DCAF16: variants seen among roughly 807,000 people sequenced by gnomAD.
DCAF16 encodes the protein DDB1- and CUL4-associated factor 16.
Under a neutral mutation model 17.3 loss-of-function variants are expected in DCAF16, and 10 were observed. The ratio of observed to expected loss-of-function variants is 0.58; its 90% CI spans 0.36 to 0.98. The LOEUF (loss-of-function observed/expected upper bound fraction) is 0.98, where lower values mean the gene tolerates loss of function less well. DCAF16 is among the 50% of genes least tolerant of loss of function. The pLI, the probability that DCAF16 is intolerant of heterozygous loss-of-function variation, is 0.01. For missense variants in DCAF16, 249 were observed against 247.6 expected, an observed-to-expected ratio of 1.01 and a Z score of -0.04; for synonymous variants, 111 against 92.8, an observed-to-expected ratio of 1.20 and a Z score of -1.12.
Position 17,804,369 on chromosome 4 carries a change from G to A in DCAF16, c.-228C>T. 1 of 551,932 alleles carries A rather than the reference G, an allele frequency of 1.8e-6. No homozygotes were observed. The highest frequency in any genetic ancestry group is 1.9e-5 in the African/African-American group (1 of 52,642). The allele number at this position is 551,932 out of a possible 1,614,324, so 34.2% of individuals were successfully genotyped here. ...ACAAAGAAGACATCTCAGTTTCCAG[G>A]ACCAGTTCAGTGTGTAAAAGTATTA... On this transcript the variant is annotated 5_prime_UTR_variant, in exon 3 of 3. Transcript: ENST00000382247.
Position 17,810,102 on chromosome 4 carries a change from C to G in DCAF16, c.-750+345G>C, listed in dbSNP as rs905481942. Among the ~76,000 whole-genome samples the G allele has an allele frequency of 2.6e-5, 4 of 152,122 alleles. No homozygotes were observed. The East Asian group carries it at 5.8e-4, about 22-fold the overall frequency. On this transcript the variant is annotated intron_variant, in intron 1 of 2. Coordinates refer to ENST00000382247, the MANE Select transcript of DCAF16 (RefSeq NM_017741.4). ...ATATTGTAGGGTGGCATATTTTGGT[C>G]TCCTACAGTCCTATTTTTGGATGGT...
rs1228752313 is a variant in DCAF16 at position 17,801,565 on chromosome 4, C to G, written c.*1926G>C. 1 of 152,160 alleles carries G rather than the reference C, an allele frequency of 6.6e-6. No homozygotes were observed. The highest frequency in any genetic ancestry group is 6.5e-5 in the Admixed American group (1 of 15,278). The allele number at this position is 152,160 out of a possible 1,614,324, so 9.4% of individuals were successfully genotyped here. On this transcript the variant is annotated 3_prime_UTR_variant, in exon 3 of 3. Transcript: ENST00000382247. The stretch of plus-strand genomic sequence containing the variant: ...TTCTGATTCCCTTTAGATGCCCAGT[C>G]AACCAGGACCACACACAGATTTCAT...
chr4:17,800,144 C>CAAA (rs971077538), downstream of DCAF16, among the ~76,000 whole-genome samples: 8 of 45,930 alleles, frequency 1.7e-4, no homozygotes, highest in African/African-American at 2.8e-4. Context: ...AACTCCATCT[C>CAAA]AAAAAAAAAA....
At chr4:17,808,755 G>A (rs766789359) in intron 1 of DCAF16, among the ~76,000 whole-genome samples, 5 of 152,204 alleles carry the variant, frequency 3.3e-5, no homozygotes, top group African/African-American at 4.8e-5. Flanking sequence ...CTAGCCGGGC[G>A]CGGTGGCTCA....
chr4:17,807,536 T>C (rs1034029786), intron 1 of DCAF16, among the ~76,000 whole-genome samples: 2 of 152,170 alleles, frequency 1.3e-5, no homozygotes, highest in African/African-American at 4.8e-5. Flanking sequence ...AGGCAAACTA[T>C]TTGCACATCT....
In DCAF16 at chr4:17,804,046, C is replaced by G. The variant is rs767615779; in HGVS notation, c.96G>C (p.Glu32Asp). The change falls in exon 3 of 3, where the codon GAG becomes GAC. Residue 32 changes from glutamate to aspartate, a missense_variant. Physicochemically the swap from Glu to Asp is conservative, Grantham distance 45 (BLOSUM62 2). Transcript: ENST00000382247. The part of the protein sequence containing the change: ...ISYLNESSGE[E>D]WDSSEEEDSM... ...AGTCCTCTTCTTCAGAGGAATCCCACTCTTCCCCAGAACTCTCATTTAGGT... is the reference window on the plus strand; with the variant it reads ...AGTCCTCTTCTTCAGAGGAATCCCAGTCTTCCCCAGAACTCTCATTTAGGT... The G allele has an allele frequency of 2.5e-6, 4 of 1,614,172 alleles. No individual in the cohort carries two copies. Among genetic ancestry groups the G allele is most frequent in the Non-Finnish European group, 3.4e-6 (4 of 1,180,008 alleles).
intron 1 of DCAF16, among the ~76,000 whole-genome samples, chr4:17,806,369 G>T (rs1720325564): frequency 6.6e-6 from 1 of 152,096 alleles, no homozygotes; most frequent in Non-Finnish European, 1.5e-5. Flanking sequence ...CATTCATCTA[G>T]TAAGTCACGG....
In DCAF16 at chr4:17,803,659, G is replaced by A. The variant is rs1320075436; in HGVS notation, c.483C>T (p.Pro161=). 6.2e-7 allele frequency: 1 copy of A among 1,614,096 alleles called. No individual in the cohort carries two copies. Among genetic ancestry groups the A allele is most frequent in the African/African-American group, 1.3e-5 (1 of 74,930 alleles). The change falls in exon 3 of 3, where the codon CCC becomes CCT. Residue 161 remains proline, a synonymous_variant. Coordinates refer to ENST00000382247, the MANE Select transcript of DCAF16 (RefSeq NM_017741.4). ...QLSRTLSRAT[P]IPEYLKQIPN... ...GGATCTGTTTTAGGTATTCAGGTAT[G>A]GGAGTGGCTCTACTCAATGTTCGGC...
chr4:17,803,747 C>T lies in DCAF16; in HGVS notation c.395G>A (p.Ser132Asn). Residue 132 changes from serine to asparagine, a missense_variant, in exon 3 of 3, where the codon AGC becomes AAC. Coordinates refer to ENST00000382247, the MANE Select transcript of DCAF16 (RefSeq NM_017741.4). Reference sequence around the variant, plus strand: ...AGTGGCATGATCTCTAGAGAGCCGGCTGGGACTTGTAAGAGGCTTTTGAAA... The same window carrying T: ...AGTGGCATGATCTCTAGAGAGCCGGTTGGGACTTGTAAGAGGCTTTTGAAA... ...PPFQKPLTSPSRLSRDHATLN... is the reference protein window; with the variant it reads ...PPFQKPLTSPNRLSRDHATLN... 1 of 1,614,130 alleles carries T rather than the reference C, an allele frequency of 6.2e-7. No individual in the cohort carries two copies. The highest frequency in any genetic ancestry group is 8.5e-7 in the Non-Finnish European group (1 of 1,180,026).
chr4:17,809,321 A>G (rs1230383774), intron 1 of DCAF16: 1 of 152,240 alleles, frequency 6.6e-6, no homozygotes, highest in Non-Finnish European at 1.5e-5. Context: ...AATTAAGTGC[A>G]AGTTACTATT....
rs1719692784 is a variant in DCAF16, at chr4:17,800,798, A to AC, written c.*2692_*2693insG. ...AAAAGGAACGTATTATGAACACATGAACATAAACATATTTTAATATTCAGA... is the reference window on the plus strand; with the variant it reads ...AAAAGGAACGTATTATGAACACATGACACATAAACATATTTTAATATTCAGA... On this transcript the variant is annotated 3_prime_UTR_variant, in exon 3 of 3. Transcript: ENST00000382247. 1.3e-5 allele frequency: 2 copies of AC among 152,762 alleles called. No individual in the cohort carries two copies. The highest frequency in any genetic ancestry group is 4.1e-4 in the South Asian group (2 of 4,826). 9.5% of individuals were successfully genotyped at this position (152,762 alleles called of 1,614,324 possible).
chr4:17,804,168 A>G lies in DCAF16; in HGVS notation c.-27T>C. On this transcript the variant is annotated 5_prime_UTR_variant, in exon 3 of 3. Coordinates refer to ENST00000382247, the MANE Select transcript of DCAF16 (RefSeq NM_017741.4). ...AGAATAAAACACAGTAAGGAACCAGAAAAAGGTAATAATCTAAGCCAGCAG... is the reference window on the plus strand; with the variant it reads ...AGAATAAAACACAGTAAGGAACCAGGAAAAGGTAATAATCTAAGCCAGCAG... The G allele has an allele frequency of 6.3e-7, 1 of 1,582,466 alleles. No homozygotes were observed. The highest frequency in any genetic ancestry group is 8.6e-7 in the Non-Finnish European group (1 of 1,163,226).
chr4:17,800,599 T>C (rs1051005615), downstream of DCAF16: 3 of 152,656 alleles, frequency 2.0e-5, no homozygotes, highest in African/African-American at 7.2e-5. Context: ...ATGTAGAATA[T>C]GCCTTAAGCA....
At chr4:17,794,143 AT>A in the DCAF16 span, among the ~76,000 whole-genome samples, 1 of 152,202 alleles carries the variant, frequency 6.6e-6, no homozygotes, top group Admixed American at 6.5e-5. Context: ...ATTTCAGAAT[AT>A]TATTTTTAAA....
In DCAF16 at chr4:17,803,756, G is replaced by T. The variant is rs7690457; in HGVS notation, c.386C>A (p.Thr129Lys). ...ATCTCTAGAGAGCCGGCTGGGACTT[G>T]TAAGAGGCTTTTGAAAAGGTGGGAC... ...CGVPPFQKPL[T>K]SPSRLSRDHA... Residue 129 changes from threonine to lysine, a missense_variant, in exon 3 of 3, where the codon ACA becomes AAA. Physicochemically the swap from Thr to Lys is moderately conservative, Grantham distance 78. Transcript: ENST00000382247. 1.9e-6 allele frequency: 3 copies of T among 1,614,036 alleles called. No homozygotes were observed. The highest frequency in any genetic ancestry group is 2.2e-5 in the South Asian group (2 of 91,080).
rs570306479 is a variant in DCAF16, at chr4:17,800,796, T to C, written c.*2695A>G. The C allele has an allele frequency of 6.5e-6, 1 of 152,732 alleles. No individual in the cohort carries two copies. Among genetic ancestry groups the C allele is most frequent in the Non-Finnish European group, 1.5e-5 (1 of 68,028 alleles). 9.5% of individuals were successfully genotyped at this position (152,732 alleles called of 1,614,324 possible). A position where few individuals can be genotyped will look rare whatever the true frequency, so the allele number is the denominator to read the frequency against. ...GAAAAAGGAACGTATTATGAACACA[T>C]GAACATAAACATATTTTAATATTCA... On this transcript the variant is annotated 3_prime_UTR_variant, in exon 3 of 3. Transcript: ENST00000382247.
downstream of DCAF16, among the ~76,000 whole-genome samples, chr4:17,799,517 G>T (rs193119730): frequency 1.3e-5 from 2 of 152,092 alleles, no homozygotes; most frequent in East Asian, 1.9e-4. Context: ...AAACTAACAG[G>T]CTGCTCCAAA....
chr4:17,795,941 C>G (rs1162211382), downstream of DCAF16, among the ~76,000 whole-genome samples: 3 of 152,080 alleles, frequency 2.0e-5, no homozygotes, highest in Non-Finnish European at 4.4e-5. Flanking sequence ...GGTATAAGCC[C>G]CATTGCCAGA....
Position 17,804,001 on chromosome 4 carries a change from C to CTTA in DCAF16, c.140_141insTAA (p.Ser47_Pro48insLys). On this transcript the variant is annotated inframe_insertion, in exon 3 of 3. Transcript: ENST00000382247. The stretch of plus-strand genomic sequence containing the variant: ...CCTGCCAGGCAAGACTCTCAAGAGG[C>CTTA]GATAAGTTGGGCACCATAGAGTCCT... 3 of 1,614,134 alleles carry CTTA rather than the reference C, an allele frequency of 1.9e-6. No individual in the cohort carries two copies. The highest frequency in any genetic ancestry group is 1.7e-6 in the Non-Finnish European group (2 of 1,180,032).
Sources: allele counts gnomAD v4.1 joint callset (sites outside exome capture counted in the v4.1 genomes callset), GRCh38; gene constraint gnomAD v4.1.1; transcripts MANE v1.5; gene names NCBI Gene and HGNC (gene_info 2026-07-23, HGNC 2026-07-21).